Variants in ROBO2 observed in about 807,000 individuals in gnomAD.
The protein encoded by ROBO2 is roundabout homolog 2.
In ROBO2, 53 loss-of-function variants were observed where a neutral mutation model predicts 160.8. That is an observed-to-expected ratio of 0.33 (90% confidence interval 0.26 to 0.41). The LOEUF is 0.41. Ranked by LOEUF, ROBO2 falls within the 10% of genes least tolerant of loss-of-function variation. The pLI is 1.00. For missense variants in ROBO2, 1,577 were observed against 1,722.4 expected, an observed-to-expected ratio of 0.92 and a Z score of 1.49; for synonymous variants, 664 against 611.7, an observed-to-expected ratio of 1.09 and a Z score of -1.26.
chr3:76,799,565 T>A (rs1176683452), intron 2 of ROBO2, among the ~76,000 whole-genome samples: 3 of 150,050 alleles, frequency 2.0e-5, no homozygotes, highest in Non-Finnish European at 4.4e-5. Flanking sequence ...TCAGTAACAT[T>A]TTTATATGTT....
rs1336637139 is a variant in ROBO2 at position 76,882,108 on chromosome 3, GTGTGTC to G, written c.110-215900_110-215895del. 3.0e-3 allele frequency among the ~76,000 whole-genome samples: 402 copies of G among 134,690 alleles called. 2 individuals carry two copies. The highest frequency in any genetic ancestry group is 7.9e-3 in the African/African-American group (309 of 38,998). 88.4% of individuals were successfully genotyped at this position (134,690 alleles called of 152,430 possible). ...TGGTTGTGTGTGTGTGTGTGTGTGTGTGTGTCTGTGTGTGTGTCTTTTGGGTGGTAG... is the reference window on the plus strand; with the variant it reads ...TGGTTGTGTGTGTGTGTGTGTGTGTGTGTGTGTGTGTCTTTTGGGTGGTAG... On this transcript the variant is annotated intron_variant, in intron 2 of 26. Transcript: ENST00000487694.
At chr3:76,277,920 G>T (rs188531801) in intron 2 of ROBO2, among the ~76,000 whole-genome samples, 23 of 150,390 alleles carry the variant, frequency 1.5e-4, no homozygotes, top group Admixed American at 1.5e-3. Context: ...GAAAGTTACA[G>T]TTTTTTGTTT....
chr3:76,426,955 C>T (rs769041359), intron 2 of ROBO2, among the ~76,000 whole-genome samples: 2 of 152,078 alleles, frequency 1.3e-5, no homozygotes, highest in Non-Finnish European at 2.9e-5. Context: ...AGGAATTAGA[C>T]TCCATAAAGA....
intron 2 of ROBO2, among the ~76,000 whole-genome samples, chr3:76,987,636 A>T (rs187523621): frequency 1.6e-3 from 244 of 152,064 alleles, no homozygotes; most frequent in African/African-American, 4.6e-3. Flanking sequence ...AAGGCAGCTT[A>T]AAAAAAAGCC....
chr3:76,798,646 C>T, intron 2 of ROBO2, among the ~76,000 whole-genome samples: 1 of 152,144 alleles, frequency 6.6e-6, no homozygotes, highest in East Asian at 1.9e-4. Flanking sequence ...AATCCCAACA[C>T]TTTGGGATGC....
At chr3:76,535,242 C>G (rs1308156009) in intron 2 of ROBO2, among the ~76,000 whole-genome samples, 3 of 152,048 alleles carry the variant, frequency 2.0e-5, no homozygotes, top group African/African-American at 7.2e-5. Flanking sequence ...ATTTATGAGG[C>G]AAAGGTCTTG....
At chr3:77,523,269 GT>G (rs1251157378) in intron 6 of ROBO2, among the ~76,000 whole-genome samples, 1 of 151,254 alleles carries the variant, frequency 6.6e-6, no homozygotes, top group African/African-American at 2.4e-5. Context: ...CATGCTTTCT[GT>G]TTACTAGTTT....
intron 2 of ROBO2, among the ~76,000 whole-genome samples, chr3:76,279,384 C>T (rs1375024622): frequency 1.3e-5 from 2 of 151,666 alleles, no homozygotes; most frequent in Non-Finnish European, 2.9e-5. Context: ...TTCTACATAC[C>T]AACATCTTTA....
chr3:77,065,718 G>A (rs1003343372), intron 1 of ROBO2, among the ~76,000 whole-genome samples: 8 of 152,118 alleles, frequency 5.3e-5, no homozygotes, highest in South Asian at 4.1e-4. Flanking sequence ...GTTTGCATTA[G>A]TAATTAGAAA....
intron 2 of ROBO2, among the ~76,000 whole-genome samples, chr3:76,627,386 G>A (rs12639248): frequency 0.6 from 91,772 of 151,986 alleles, 27,886 homozygotes; most frequent in East Asian, 0.73. Context: ...AGAGAATCCC[G>A]CATATTCATG....
At position 76,185,195 on chromosome 3, in the gene ROBO2, G is replaced by GATATATATAT. The variant is rs1219580267; in HGVS notation, c.109+247605_109+247614dup. Among the ~76,000 whole-genome samples, 595 of 44,488 alleles carry GATATATATAT rather than the reference G, an allele frequency of 0.013. 41 individuals carry two copies. The East Asian group carries it at 0.2, about 15-fold the overall frequency. 29.2% of individuals were successfully genotyped at this position (44,488 alleles called of 152,430 possible). Reference sequence around the variant, plus strand: ...TTCTAGGCTTCTATAAGTAAACACAGATATATATATATATATATATACACA... The same window carrying GATATATATAT: ...TTCTAGGCTTCTATAAGTAAACACAGATATATATATATATATATATATATATATATACACA... On this transcript the variant is annotated intron_variant, in intron 2 of 26. Transcript: ENST00000487694.
chr3:77,242,970 T>G lies in ROBO2; in HGVS notation c.388+144630T>G, dbSNP rs543420194. 6.5e-4 allele frequency among the ~76,000 whole-genome samples: 99 copies of G among 151,828 alleles called. 1 individual carries two copies. Among genetic ancestry groups the G allele is most frequent in the Non-Finnish European group, 1.3e-3 (90 of 67,972 alleles). ...GAGTGAATATGTGTGTGTGTGCATG[T>G]GTGCGTGCGTGTTTGTGTATGTGTT... On this transcript the variant is annotated intron_variant, in intron 2 of 25. Coordinates refer to ENST00000461745, the Ensembl canonical transcript of ROBO2.
chr3:77,075,892 G>A (rs1280469699), intron 1 of ROBO2, among the ~76,000 whole-genome samples: 1 of 151,356 alleles, frequency 6.6e-6, no homozygotes, highest in Non-Finnish European at 1.5e-5. Flanking sequence ...TGGCCAAGGT[G>A]GTTTCAAACT....
chr3:76,112,168 T>C (rs180956002), intron 2 of ROBO2, among the ~76,000 whole-genome samples: 26 of 152,260 alleles, frequency 1.7e-4, no homozygotes, highest in South Asian at 6.2e-4. Context: ...CATTTCCTCT[T>C]TTTTCCAGAT....
At chr3:76,618,564 T>C (rs1005013628) in intron 2 of ROBO2, among the ~76,000 whole-genome samples, 11 of 151,712 alleles carry the variant, frequency 7.3e-5, no homozygotes, top group East Asian at 1.9e-4. Context: ...TAAACACTTT[T>C]GTCTGTGACT....
intron 2 of ROBO2, among the ~76,000 whole-genome samples, chr3:77,130,852 C>T (rs2150350262): frequency 6.6e-6 from 1 of 152,270 alleles, no homozygotes; most frequent in African/African-American, 2.4e-5. Context: ...AAAATGGAAA[C>T]ATATATGATT....
chr3:76,216,214 T>C (rs1466181755), intron 2 of ROBO2, among the ~76,000 whole-genome samples: 2 of 152,174 alleles, frequency 1.3e-5, no homozygotes, highest in Non-Finnish European at 2.9e-5. Context: ...ACATGCCAAA[T>C]TGTAAAGATC....
At chr3:76,234,463 A>G (rs901711742) in intron 2 of ROBO2, among the ~76,000 whole-genome samples, 5 of 152,184 alleles carry the variant, frequency 3.3e-5, no homozygotes, top group African/African-American at 1.2e-4. Context: ...GGCAAAAACT[A>G]CAGTTAATTT....
At chr3:76,412,577 C>T (rs991393752) in intron 2 of ROBO2, among the ~76,000 whole-genome samples, 3 of 152,134 alleles carry the variant, frequency 2.0e-5, no homozygotes, top group Admixed American at 2.0e-4. Flanking sequence ...AAGAAATTAG[C>T]CCAAACAAAG....
Sources: allele counts gnomAD v4.1 joint callset (sites outside exome capture counted in the v4.1 genomes callset), GRCh38; gene constraint gnomAD v4.1.1; transcripts MANE v1.5; gene names NCBI Gene and HGNC (gene_info 2026-07-23, HGNC 2026-07-21).